Variants in RGS6 observed in about 807,000 individuals in gnomAD.
RGS6 encodes regulator of G-protein signaling 6.
A neutral mutation model predicts 78.5 loss-of-function variants in RGS6; 30 were observed. That is an observed-to-expected ratio of 0.38 (90% CI 0.29 to 0.52). RGS6 has a LOEUF of 0.52. Ranked by LOEUF, RGS6 falls within the 20% of genes least tolerant of loss-of-function variation. The probability of loss-of-function intolerance (pLI) is 0.85; values close to 1 mark genes in which losing one functional copy is unlikely to be tolerated. For missense variants in RGS6, 495 were observed against 609.7 expected, an observed-to-expected ratio of 0.81 and a Z score of 1.98; for synonymous variants, 206 against 206.0, an observed-to-expected ratio of 1.00 and a Z score of 0.00.
intron 2 of RGS6, among the ~76,000 whole-genome samples, chr14:72,297,338 T>C (rs1156461341): frequency 6.6e-6 from 1 of 151,956 alleles, no homozygotes; most frequent in Non-Finnish European, 1.5e-5. Context: ...TTGAGATCTA[T>C]TAAGTCATTA....
chr14:72,478,456 G>A, intron 12 of RGS6, 127 bp downstream of exon 12: 1 of 690,390 alleles, frequency 1.4e-6, no homozygotes, highest in South Asian at 1.8e-5. Flanking sequence ...AGACTGGGGT[G>A]CAGAAAAACC....
At chr14:72,270,181 T>C (rs2059726753) in intron 2 of RGS6, among the ~76,000 whole-genome samples, 1 of 152,186 alleles carries the variant, frequency 6.6e-6, no homozygotes, top group Non-Finnish European at 1.5e-5. Context: ...TGCCACGTGC[T>C]CCTCTTTGCG....
intron 2 of RGS6, among the ~76,000 whole-genome samples, chr14:72,004,159 T>C (rs1020907107): frequency 6.6e-6 from 1 of 152,294 alleles, no homozygotes; most frequent in East Asian, 1.9e-4. Context: ...GGAGTCAGCA[T>C]AGTATACATC....
chr14:71,960,554 G>A (rs552780427), intron 1 of RGS6, among the ~76,000 whole-genome samples: 4 of 152,316 alleles, frequency 2.6e-5, no homozygotes, highest in Middle Eastern at 3.4e-3. Context: ...CAGGGAGAGA[G>A]GGGTGAACCC....
the RGS6 span, among the ~76,000 whole-genome samples, chr14:71,909,367 A>G: frequency 1.3e-5 from 2 of 152,140 alleles, no homozygotes; most frequent in Admixed American, 6.5e-5. Flanking sequence ...AGAGTTATGA[A>G]AGTATTTGCT....
At chr14:72,284,394 G>A (rs2062124788) in intron 2 of RGS6, among the ~76,000 whole-genome samples, 1 of 152,200 alleles carries the variant, frequency 6.6e-6, no homozygotes, top group Non-Finnish European at 1.5e-5. Flanking sequence ...TAGGGACTTG[G>A]TGCCCGGCAT....
chr14:71,905,008 G>A, the RGS6 span, among the ~76,000 whole-genome samples: 5 of 151,970 alleles, frequency 3.3e-5, no homozygotes, highest in African/African-American at 9.7e-5. Flanking sequence ...CATACCACAA[G>A]GGTCTGACAG....
At chr14:72,071,329 A>G (rs1597089310) in intron 2 of RGS6, among the ~76,000 whole-genome samples, 1 of 152,172 alleles carries the variant, frequency 6.6e-6, no homozygotes, top group African/African-American at 2.4e-5. Flanking sequence ...AATTTTTGCT[A>G]TTGGAGTTTT....
intron 2 of RGS6, among the ~76,000 whole-genome samples, chr14:72,017,343 A>G (rs911387100): frequency 6.6e-6 from 1 of 152,250 alleles, no homozygotes; most frequent in Admixed American, 6.5e-5. Flanking sequence ...TTAGATACTC[A>G]TACATTATGC....
At chr14:72,055,744 A>C (rs2093588376) in intron 2 of RGS6, among the ~76,000 whole-genome samples, 1 of 152,204 alleles carries the variant, frequency 6.6e-6, no homozygotes, top group Non-Finnish European at 1.5e-5. Flanking sequence ...ACAAGCAAGC[A>C]TAAGCTCAGG....
chr14:72,537,906 C>T (rs1416861225), intron 16 of RGS6, among the ~76,000 whole-genome samples: 1 of 152,154 alleles, frequency 6.6e-6, no homozygotes, highest in East Asian at 1.9e-4. Flanking sequence ...CAGGCTGAGA[C>T]CCCTGTGGCT....
At chr14:71,897,413 G>A in the RGS6 span, among the ~76,000 whole-genome samples, 1 of 152,212 alleles carries the variant, frequency 6.6e-6, no homozygotes, top group Non-Finnish European at 1.5e-5. Flanking sequence ...ATGCTGCCAA[G>A]TGCTGTGGAG....
rs187026525 is a variant in RGS6 at position 72,337,341 on chromosome 14, T to C, written c.85-14754T>C. On this transcript the variant is annotated intron_variant, in intron 2 of 17. Coordinates refer to ENST00000553525, the MANE Select transcript of RGS6 (RefSeq NM_001204424.2). ...CTTTCCACATTATTATGGTCCGTGT[T>C]TCCAATGCAGTGGTTTCTCAGATCT... is the stretch of plus-strand genomic sequence containing the variant. 2.6e-5 allele frequency among the ~76,000 whole-genome samples: 4 copies of C among 152,018 alleles called. No homozygotes were observed. In the East Asian group the frequency reaches 7.8e-4, roughly 29 times the overall value.
downstream of RGS6, chr14:72,566,629 T>TCTCACACACACACACACA (rs1349119393): frequency 2.8e-5 from 3 of 105,834 alleles, no homozygotes; most frequent in African/African-American, 1.2e-4. Flanking sequence ...TTCCCCATTA[T>TCTCACACACACACACACA]CACACACACA....
At chr14:72,390,639 T>G (rs1326753635) in intron 3 of RGS6, among the ~76,000 whole-genome samples, 1 of 152,162 alleles carries the variant, frequency 6.6e-6, no homozygotes, top group Admixed American at 6.5e-5. Flanking sequence ...TGGGAAATGT[T>G]TAGAGGTAAA....
At chr14:72,376,154 A>T (rs1478918583) in intron 3 of RGS6, among the ~76,000 whole-genome samples, 5 of 152,168 alleles carry the variant, frequency 3.3e-5, no homozygotes, top group Non-Finnish European at 5.9e-5. Context: ...AATTCAACAG[A>T]GATAGATATC....
chr14:72,259,476 A>C (rs931884234), intron 2 of RGS6, among the ~76,000 whole-genome samples: 2 of 152,186 alleles, frequency 1.3e-5, no homozygotes, highest in Non-Finnish European at 2.9e-5. Flanking sequence ...ACGCTTCATA[A>C]GGCTGAGAAT....
intron 1 of RGS6, among the ~76,000 whole-genome samples, chr14:71,964,340 C>G (rs2093387977): frequency 1.3e-5 from 2 of 152,050 alleles, no homozygotes; most frequent in African/African-American, 2.4e-5. Context: ...AACCCTGTCT[C>G]TACTAAAAAT....
chr14:72,482,180 C>T (rs1025503892), intron 12 of RGS6, among the ~76,000 whole-genome samples: 1 of 152,176 alleles, frequency 6.6e-6, no homozygotes, highest in Non-Finnish European at 1.5e-5. Context: ...AATAAAAGGA[C>T]ACTACATTTC....
Sources: gnomAD v4.1 joint callset for allele counts (sites outside exome capture counted in the v4.1 genomes callset) on GRCh38, gnomAD v4.1.1 for gene constraint, MANE v1.5 for transcripts, NCBI Gene and HGNC (gene_info 2026-07-23, HGNC 2026-07-21) for gene names.